Variants in BABAM2 observed in about 807,000 individuals in gnomAD.
BABAM2 encodes the protein BRISC and BRCA1 A complex member 2, also known as BRISC and BRCA1-A complex member 2.
BABAM2 carries 31 observed loss-of-function variants against 54.7 expected under a neutral mutation model. That is an observed-to-expected ratio of 0.57 (90% CI 0.43 to 0.77). BABAM2 has a LOEUF of 0.77. Ranked by LOEUF, BABAM2 falls within the 30% of genes least tolerant of loss-of-function variation. BABAM2 has a pLI of 0.00. For missense variants in BABAM2, 364 were observed against 455.8 expected (o/e 0.80, Z 1.83); for synonymous variants, 167 against 162.9 (o/e 1.03, Z -0.19).
chr2:28,334,821 G>C (rs1353900905), intron 11 of BABAM2, among the ~76,000 whole-genome samples: 1 of 152,180 alleles, frequency 6.6e-6, no homozygotes, highest in African/African-American at 2.4e-5. Flanking sequence ...CCTACTGTTC[G>C]TAAGGGAACA....
rs139158699 is a variant in BABAM2, at chr2:27,983,376, T to G, written c.206-4617T>G. Among the ~76,000 whole-genome samples the G allele has an allele frequency of 1.6e-3, 242 of 152,260 alleles. 1 individual carries two copies. The highest frequency in any genetic ancestry group is 5.7e-3 in the African/African-American group (236 of 41,586). ...CCACATTGTCTTCATTGCTGTAGCTTTGTAACAACTTTTATAATTGAGAAC... is the reference window on the plus strand; with the variant it reads ...CCACATTGTCTTCATTGCTGTAGCTGTGTAACAACTTTTATAATTGAGAAC... On this transcript the variant is annotated intron_variant, in intron 3 of 11. Transcript: ENST00000379624.
At chr2:28,335,709 C>T (rs1316628040) in intron 11 of BABAM2, among the ~76,000 whole-genome samples, 1 of 152,208 alleles carries the variant, frequency 6.6e-6, no homozygotes, top group Non-Finnish European at 1.5e-5. Context: ...GAGATGACCT[C>T]CTGGGGACCA....
chr2:27,998,150 C>G (rs924584639), intron 4 of BABAM2, among the ~76,000 whole-genome samples: 7 of 151,420 alleles, frequency 4.6e-5, no homozygotes, highest in Non-Finnish European at 8.8e-5. Context: ...GAGACTCAGT[C>G]TCAAGAAAAA....
chr2:28,308,472 A>G, intron 11 of BABAM2: 1 of 529,512 alleles, frequency 1.9e-6, no homozygotes, highest in Non-Finnish European at 3.7e-6. Context: ...TGTCAAAGCC[A>G]ACAAGCACCA....
At chr2:28,234,046 T>C (rs1284700176) in intron 7 of BABAM2, among the ~76,000 whole-genome samples, 2 of 152,148 alleles carry the variant, frequency 1.3e-5, no homozygotes, top group East Asian at 3.9e-4. Context: ...TAGTCTTCCA[T>C]GATTAAAATC....
intron 7 of BABAM2, among the ~76,000 whole-genome samples, chr2:28,136,385 C>A (rs1670540613): frequency 6.6e-6 from 1 of 152,260 alleles, no homozygotes; most frequent in African/African-American, 2.4e-5. Flanking sequence ...TCTTTTCCAT[C>A]AGTTGAGGGC....
chr2:28,152,421 A>T (rs1016547660), intron 7 of BABAM2, among the ~76,000 whole-genome samples: 4 of 152,144 alleles, frequency 2.6e-5, no homozygotes, highest in Non-Finnish European at 5.9e-5. Context: ...CTCAACTTCA[A>T]GGGATCTTTC....
intron 10 of BABAM2, among the ~76,000 whole-genome samples, chr2:28,278,735 G>A (rs184947190): frequency 3.9e-5 from 6 of 152,294 alleles, no homozygotes; most frequent in Admixed American, 2.6e-4. Flanking sequence ...AGCAGCTGGC[G>A]ATGGGCTGAA....
chr2:27,983,755 G>C (rs747876350), intron 3 of BABAM2, among the ~76,000 whole-genome samples: 1 of 151,736 alleles, frequency 6.6e-6, no homozygotes, highest in Non-Finnish European at 1.5e-5. Flanking sequence ...TTTTTGGATC[G>C]TTAATTACTG....
chr2:28,292,630 A>T (rs1010206778), intron 10 of BABAM2, among the ~76,000 whole-genome samples: 2 of 152,214 alleles, frequency 1.3e-5, no homozygotes, highest in African/African-American at 4.8e-5. Context: ...CATGGTCACA[A>T]GATGGGGCCT....
At chr2:28,207,673 A>C (rs914865037) in intron 7 of BABAM2, among the ~76,000 whole-genome samples, 6 of 148,858 alleles carry the variant, frequency 4.0e-5, no homozygotes, top group African/African-American at 1.5e-4. Context: ...TTGGTACTTG[A>C]GGGGAAAAAA....
At chr2:27,908,307 T>G (rs574386762) in intron 2 of BABAM2, among the ~76,000 whole-genome samples, 1 of 152,224 alleles carries the variant, frequency 6.6e-6, no homozygotes, top group African/African-American at 2.4e-5. Context: ...GGTCTCACTC[T>G]GTCATCCAGT....
chr2:27,952,417 T>A (rs1221482112), intron 3 of BABAM2, among the ~76,000 whole-genome samples: 1 of 152,234 alleles, frequency 6.6e-6, no homozygotes, highest in Non-Finnish European at 1.5e-5. Context: ...GGTAATGCTG[T>A]CTTCATATCA....
At chr2:28,223,734 C>A (rs1182553538) in intron 7 of BABAM2, among the ~76,000 whole-genome samples, 1 of 152,202 alleles carries the variant, frequency 6.6e-6, no homozygotes, top group Non-Finnish European at 1.5e-5. Context: ...TCTTTAACTT[C>A]TGAGGATAGA....
intron 3 of BABAM2, among the ~76,000 whole-genome samples, chr2:27,950,027 A>G (rs1355141044): frequency 6.6e-6 from 1 of 152,166 alleles, no homozygotes; most frequent in Non-Finnish European, 1.5e-5. Context: ...AAGTGTTCGT[A>G]ATGAATTTCC....
At chr2:28,250,748 T>C (rs1683397263) in intron 10 of BABAM2, among the ~76,000 whole-genome samples, 1 of 151,976 alleles carries the variant, frequency 6.6e-6, no homozygotes, top group Admixed American at 6.6e-5. Flanking sequence ...TACAGGCATG[T>C]GCCACCACTC....
At chr2:28,203,768 T>C (rs769568252) in intron 7 of BABAM2, among the ~76,000 whole-genome samples, 8 of 152,226 alleles carry the variant, frequency 5.3e-5, no homozygotes, top group Non-Finnish European at 7.3e-5. Flanking sequence ...CTGATTGCCA[T>C]GTGGGGTTCC....
At chr2:28,147,537 G>A (rs905045264) in intron 7 of BABAM2, among the ~76,000 whole-genome samples, 1 of 151,072 alleles carries the variant, frequency 6.6e-6, no homozygotes, top group East Asian at 1.9e-4. Context: ...GCAGTGGCAC[G>A]ATCTTGGCTC....
At chr2:28,096,049 C>A (rs6757405) in intron 6 of BABAM2, among the ~76,000 whole-genome samples, 3 of 151,824 alleles carry the variant, frequency 2.0e-5, no homozygotes, top group African/African-American at 4.8e-5. Context: ...CATAGTCTGT[C>A]CTCTTACTCC....
Sources: allele counts gnomAD v4.1 joint callset (sites outside exome capture counted in the v4.1 genomes callset), GRCh38; gene constraint gnomAD v4.1.1; transcripts MANE v1.5; gene names NCBI Gene and HGNC (gene_info 2026-07-23, HGNC 2026-07-21).